The following ACVR1C variants were observed in gnomAD, a reference collection of about 807,000 sequenced individuals.
ACVR1C encodes the protein activin receptor type-1C.
In ACVR1C, 23 loss-of-function variants were observed where a neutral mutation model predicts 57.9. That is an observed-to-expected ratio of 0.40 (90% CI 0.29 to 0.56). The LOEUF (loss-of-function observed/expected upper bound fraction) is 0.56, where lower values mean the gene tolerates loss of function less well. Among genes scored for constraint, ACVR1C ranks in the 20% least tolerant of loss-of-function variants. The probability of loss-of-function intolerance (pLI) is 0.50; values close to 1 mark genes in which losing one functional copy is unlikely to be tolerated. For missense variants in ACVR1C, 480 were observed against 607.9 expected (o/e 0.79, Z 2.21); for synonymous variants, 214 against 215.3 (o/e 0.99, Z 0.05).
chr2:157,550,563 C>T (rs1687889790), intron 3 of ACVR1C, among the ~76,000 whole-genome samples, 171 bp from the exon 4 acceptor site: 2 of 152,082 alleles, frequency 1.3e-5, no homozygotes, highest in South Asian at 2.1e-4. Flanking sequence ...TCAAAGCATG[C>T]TGAAAAAAAT....
At chr2:157,583,652 C>A (rs1338866711) in intron 2 of ACVR1C, among the ~76,000 whole-genome samples, 1 of 152,064 alleles carries the variant, frequency 6.6e-6, no homozygotes, top group Admixed American at 6.6e-5. Flanking sequence ...AACAGTTTGA[C>A]GATAGTATAA....
At chr2:157,600,319 A>T (rs1459409962) in intron 1 of ACVR1C, among the ~76,000 whole-genome samples, 2 of 152,250 alleles carry the variant, frequency 1.3e-5, no homozygotes, top group African/African-American at 4.8e-5. Context: ...GACATGGCAT[A>T]CTCAATCTAT....
intron 2 of ACVR1C, among the ~76,000 whole-genome samples, chr2:157,573,955 G>C (rs181342041): frequency 1.1e-3 from 175 of 152,256 alleles, no homozygotes; most frequent in African/African-American, 4.0e-3. Flanking sequence ...TTGATAGTGG[G>C]AACTCTAGGC....
chr2:157,599,022 G>T (rs1424864405), intron 1 of ACVR1C, among the ~76,000 whole-genome samples: 1 of 151,658 alleles, frequency 6.6e-6, no homozygotes, highest in Non-Finnish European at 1.5e-5. Flanking sequence ...ACTCAATATG[G>T]AATATTCTGG....
In ACVR1C at chr2:157,587,416, T is replaced by C; in HGVS notation, c.75A>G (p.Gly25=). The part of the protein sequence containing the change: ...LLAAAAELSP[G]LKCVCLLCDS... Reference sequence around the variant, plus strand: ...CACACAAAAGACATACACACTTCAGTCCTGGAAAGAGTAAGGCAAAAAGAT... The same window carrying C: ...CACACAAAAGACATACACACTTCAGCCCTGGAAAGAGTAAGGCAAAAAGAT... The change falls in exon 2 of 9, where the codon GGA becomes GGG. Residue 25 remains glycine, a splice_region_variant and synonymous_variant. Coordinates refer to ENST00000243349, the MANE Select transcript of ACVR1C (RefSeq NM_145259.3). 6.2e-7 allele frequency: 1 copy of C among 1,607,704 alleles called. No individual in the cohort carries two copies. The highest frequency in any genetic ancestry group is 2.2e-5 in the East Asian group (1 of 44,834).
chr2:157,549,829 CAAAAAA>C lies in ACVR1C; in HGVS notation c.775+327_775+332del, dbSNP rs1173469291. Reference sequence around the variant, plus strand: ...TGAAACCCCGTCTCTACTAAAAATACAAAAAAAAAAAAAAAAAAAAAAAATTAGCCA... The same window carrying C: ...TGAAACCCCGTCTCTACTAAAAATACAAAAAAAAAAAAAAAAAATTAGCCA... On this transcript the variant is annotated intron_variant, in intron 4 of 8. Coordinates refer to ENST00000243349, the MANE Select transcript of ACVR1C (RefSeq NM_145259.3). Among the ~76,000 whole-genome samples the C allele has an allele frequency of 8.8e-3, 417 of 47,544 alleles. 1 individual carries two copies. Among genetic ancestry groups the C allele is most frequent in the Admixed American group, 0.019 (77 of 4,000 alleles). The allele number at this position is 47,544 out of a possible 152,430, so 31.2% of individuals were successfully genotyped here. A position where few individuals can be genotyped will look rare whatever the true frequency, so the allele number is the denominator to read the frequency against.
intron 7 of ACVR1C, among the ~76,000 whole-genome samples, chr2:157,539,853 G>T (rs1045409043): frequency 2.6e-5 from 4 of 152,104 alleles, no homozygotes; most frequent in Admixed American, 6.5e-5. Flanking sequence ...GTAGATCCCT[G>T]AATGTTTTAT....
intron 3 of ACVR1C, among the ~76,000 whole-genome samples, chr2:157,554,209 A>AAGAAAGAAAGAAAGAAAGAAAGAAAGAG (rs1688002488): frequency 9.1e-5 from 8 of 88,048 alleles, no homozygotes; most frequent in South Asian, 3.4e-4. Context: ...GAGAGAAAGA[A>AAGAAAGAAAGAAAGAAAGAAAGAAAGAG]AGAAAGAAAG....
chr2:157,576,683 T>C (rs1476968365), intron 2 of ACVR1C, among the ~76,000 whole-genome samples: 2 of 152,100 alleles, frequency 1.3e-5, no homozygotes, highest in Admixed American at 6.6e-5. Flanking sequence ...ACTTTTCCTT[T>C]TCTATACTGT....
chr2:157,549,920 A>G (rs942642369), intron 4 of ACVR1C, among the ~76,000 whole-genome samples: 11 of 148,782 alleles, frequency 7.4e-5, no homozygotes, highest in East Asian at 3.9e-4. Context: ...GGAGAATGGC[A>G]TGAACCCGGG....
At chr2:157,588,878 T>TAC (rs1553484222) in intron 1 of ACVR1C, among the ~76,000 whole-genome samples, 4 of 139,944 alleles carry the variant, frequency 2.9e-5, no homozygotes, top group South Asian at 2.2e-4. Context: ...TATATATATA[T>TAC]ACGTGTGTGT....
intron 2 of ACVR1C, among the ~76,000 whole-genome samples, chr2:157,579,859 CA>C (rs1458608296): frequency 2.0e-5 from 3 of 152,122 alleles, no homozygotes; most frequent in African/African-American, 7.2e-5. Flanking sequence ...CTGGCTGATA[CA>C]TTTTTTTAAC....
At chr2:157,613,843 G>A (rs1283106687) in intron 1 of ACVR1C, among the ~76,000 whole-genome samples, 2 of 152,092 alleles carry the variant, frequency 1.3e-5, no homozygotes, top group East Asian at 3.9e-4. Flanking sequence ...TCTTTACCTA[G>A]TTTAGGTTTC....
chr2:157,541,004 T>C (rs1025012901), intron 7 of ACVR1C, 86 bp downstream of exon 7: 2 of 1,453,000 alleles, frequency 1.4e-6, no homozygotes, highest in African/African-American at 1.4e-5. Flanking sequence ...TTGAATATAG[T>C]GCTTAGGGGA....
At chr2:157,613,258 T>C (rs572471195) in intron 1 of ACVR1C, among the ~76,000 whole-genome samples, 12 of 152,236 alleles carry the variant, frequency 7.9e-5, no homozygotes, top group African/African-American at 2.7e-4. Context: ...GGTGTGATTA[T>C]CTCTTTGCAA....
intron 2 of ACVR1C, among the ~76,000 whole-genome samples, chr2:157,564,972 T>C (rs1688327512): frequency 6.6e-6 from 1 of 151,660 alleles, no homozygotes; most frequent in Admixed American, 6.6e-5. Context: ...TGGAGGGTAA[T>C]GGGAGGGAGA....
intron 1 of ACVR1C, among the ~76,000 whole-genome samples, chr2:157,625,461 T>C (rs1365879625): frequency 6.6e-6 from 1 of 152,170 alleles, no homozygotes. Flanking sequence ...TAAATGACTA[T>C]GCTTAAAGAA....
At chr2:157,561,203 GT>G (rs1000510091) in intron 2 of ACVR1C, among the ~76,000 whole-genome samples, 1 of 152,112 alleles carries the variant, frequency 6.6e-6, no homozygotes, top group African/African-American at 2.4e-5. Flanking sequence ...TTTATTAATA[GT>G]TTTTCCCAAG....
chr2:157,551,893 T>C (rs559460701), intron 3 of ACVR1C, among the ~76,000 whole-genome samples: 30 of 152,308 alleles, frequency 2.0e-4, no homozygotes, highest in Non-Finnish European at 2.5e-4. Flanking sequence ...ACAAATCTGC[T>C]GTTACGGATC....
Sources: allele counts gnomAD v4.1 joint callset (sites outside exome capture counted in the v4.1 genomes callset), GRCh38; gene constraint gnomAD v4.1.1; transcripts MANE v1.5; gene names NCBI Gene and HGNC (gene_info 2026-07-23, HGNC 2026-07-21).